TBC1D5: variants seen among roughly 807,000 people sequenced by gnomAD.
The protein encoded by TBC1D5 is TBC1 domain family member 5, also known as TBC1 domain family, member 5.
TBC1D5 carries 75 observed loss-of-function variants against 100.3 expected under a neutral mutation model. The observed-to-expected ratio is 0.75, with a 90% confidence interval of 0.62 to 0.91. The LOEUF (loss-of-function observed/expected upper bound fraction) is 0.91, where lower values mean the gene tolerates loss of function less well. TBC1D5 is among the 40% of genes least tolerant of loss of function. The pLI is 0.00. For synonymous variants in TBC1D5, 323 were observed against 325.6 expected (o/e 0.99, Z 0.09); for missense variants, 910 against 942.4 (o/e 0.97, Z 0.45).
At chr3:17,603,155 GTTTT>G (rs1224220563) in intron 2 of TBC1D5, among the ~76,000 whole-genome samples, 2 of 133,868 alleles carry the variant, frequency 1.5e-5, no homozygotes, top group Admixed American at 7.5e-5. Flanking sequence ...AAGTTTTTTG[GTTTT>G]TTTTTTTTTT....
chr3:17,693,221 T>C (rs911064286), intron 1 of TBC1D5, among the ~76,000 whole-genome samples: 14 of 152,182 alleles, frequency 9.2e-5, no homozygotes, highest in East Asian at 1.9e-4. Context: ...GTTCATCTCA[T>C]TGGGACTGGT....
At chr3:17,190,182 T>C (rs1293398683) in intron 18 of TBC1D5, among the ~76,000 whole-genome samples, 1 of 152,234 alleles carries the variant, frequency 6.6e-6, no homozygotes, top group African/African-American at 2.4e-5. Flanking sequence ...AAAGTGATGT[T>C]TGTTTGCATT....
At chr3:17,711,853 A>G (rs1484069533) in intron 1 of TBC1D5, among the ~76,000 whole-genome samples, 1 of 152,218 alleles carries the variant, frequency 6.6e-6, no homozygotes, top group African/African-American at 2.4e-5. Flanking sequence ...CACACCTCCA[A>G]GAGTTTCTCT....
At chr3:17,253,616 A>T (rs1489087457) in intron 16 of TBC1D5, among the ~76,000 whole-genome samples, 1 of 152,166 alleles carries the variant, frequency 6.6e-6, no homozygotes, top group Non-Finnish European at 1.5e-5. Flanking sequence ...TTACTCCCAA[A>T]TTCGCTCATG....
At chr3:17,329,299 T>C (rs558762762) in intron 13 of TBC1D5, among the ~76,000 whole-genome samples, 1 of 152,352 alleles carries the variant, frequency 6.6e-6, no homozygotes, top group Non-Finnish European at 1.5e-5. Context: ...TTACATAGTA[T>C]GACTGTGAGT....
chr3:17,262,728 A>G (rs911080588), intron 15 of TBC1D5, among the ~76,000 whole-genome samples: 3 of 151,392 alleles, frequency 2.0e-5, no homozygotes, highest in African/African-American at 7.3e-5. Flanking sequence ...TGATCCACCC[A>G]TCTCGGCCTC....
At chr3:17,551,063 T>G (rs1396466877) in intron 2 of TBC1D5, among the ~76,000 whole-genome samples, 3 of 152,160 alleles carry the variant, frequency 2.0e-5, no homozygotes, top group African/African-American at 7.2e-5. Flanking sequence ...TGTGTGTGTG[T>G]GTGTATGTGT....
intron 13 of TBC1D5, among the ~76,000 whole-genome samples, chr3:17,341,862 C>T (rs2089008376): frequency 6.6e-6 from 1 of 152,146 alleles, no homozygotes; most frequent in African/African-American, 2.4e-5. Context: ...CCCACCCCAA[C>T]TTTTATCTTC....
intron 1 of TBC1D5, among the ~76,000 whole-genome samples, chr3:17,658,350 C>G (rs1337433094): frequency 6.6e-6 from 1 of 152,152 alleles, no homozygotes; most frequent in African/African-American, 2.4e-5. Context: ...ACTCTGTCCT[C>G]AAGTTGTTCA....
chr3:17,428,368 A>G (rs887903856), intron 4 of TBC1D5, 82 bp downstream of exon 4: 15 of 447,514 alleles, frequency 3.4e-5, no homozygotes, highest in African/African-American at 6.4e-5. Flanking sequence ...ATAATTATAT[A>G]TCTTATACAT....
intron 3 of TBC1D5, among the ~76,000 whole-genome samples, chr3:17,488,181 G>C (rs762430082): frequency 1.3e-5 from 2 of 151,930 alleles, no homozygotes; most frequent in Admixed American, 6.6e-5. Context: ...TGTTTTTACC[G>C]TCTCCTTAGT....
chr3:17,709,659 A>C (rs1246016228), intron 1 of TBC1D5, among the ~76,000 whole-genome samples: 6 of 152,222 alleles, frequency 3.9e-5, no homozygotes. Context: ...ACCAGACTAG[A>C]AAGCCAAGGC....
chr3:17,667,363 T>G (rs1213307384), intron 1 of TBC1D5, among the ~76,000 whole-genome samples: 2 of 152,168 alleles, frequency 1.3e-5, no homozygotes, highest in Non-Finnish European at 2.9e-5. Context: ...AAAACATAAT[T>G]TATTAAGCCC....
rs761752878 is a variant in TBC1D5 at position 17,160,983 on chromosome 3, C to A, written c.2368G>T (p.Val790Leu). 105 of 1,613,828 alleles carry A rather than the reference C, an allele frequency of 6.5e-5. No homozygotes were observed. The highest frequency in any genetic ancestry group is 8.7e-5 in the Non-Finnish European group (103 of 1,179,930). The change falls in exon 22 of 22, where the codon GTG becomes TTG. Residue 790 changes from valine (V) to leucine (L), a missense_variant. Coordinates refer to ENST00000253692, the Ensembl canonical transcript of TBC1D5. ...TGTGGTCAGATGTCCAGGGGACTCA[C>A]AATGGTGAAGCCAGAGTCCTTGCTG...
chr3:17,667,867 A>AT (rs954259814), intron 1 of TBC1D5, among the ~76,000 whole-genome samples: 10 of 150,954 alleles, frequency 6.6e-5, no homozygotes, highest in East Asian at 1.9e-4. Context: ...GATTAGTCTG[A>AT]TTTTTTTTTC....
At chr3:17,655,572 C>G (rs1173428283) in intron 1 of TBC1D5, among the ~76,000 whole-genome samples, 6 of 151,918 alleles carry the variant, frequency 3.9e-5, no homozygotes, top group African/African-American at 1.5e-4. Context: ...TATATATAAC[C>G]ATAATCCTAA....
intron 15 of TBC1D5, among the ~76,000 whole-genome samples, chr3:17,262,346 T>C (rs2078385823): frequency 6.6e-6 from 1 of 152,150 alleles, no homozygotes; most frequent in Non-Finnish European, 1.5e-5. Flanking sequence ...CATGGTATTA[T>C]AATCTTATGG....
intron 15 of TBC1D5, among the ~76,000 whole-genome samples, chr3:17,290,229 T>C (rs1282719757): frequency 6.6e-6 from 1 of 152,216 alleles, no homozygotes; most frequent in African/African-American, 2.4e-5. Flanking sequence ...GAATCTATAT[T>C]TTAATGCTTA....
At chr3:17,522,336 A>G (rs2153326716) in intron 2 of TBC1D5, among the ~76,000 whole-genome samples, 1 of 152,242 alleles carries the variant, frequency 6.6e-6, no homozygotes. Flanking sequence ...GACATATATT[A>G]AAATGTCATT....
Sources: gnomAD v4.1 joint callset for allele counts (sites outside exome capture counted in the v4.1 genomes callset) on GRCh38, gnomAD v4.1.1 for gene constraint, MANE v1.5 for transcripts, NCBI Gene and HGNC (gene_info 2026-07-23, HGNC 2026-07-21) for gene names.